USP39: variants seen among roughly 807,000 people sequenced by gnomAD.
The protein encoded by USP39 is ubiquitin specific peptidase 39.
A neutral mutation model predicts 66.4 loss-of-function variants in USP39; 38 were observed. The observed-to-expected ratio is 0.57, with a 90% CI of 0.44 to 0.75. The LOEUF (loss-of-function observed/expected upper bound fraction) is 0.75. USP39 is among the 30% of genes least tolerant of loss of function. The pLI is 0.00. For missense variants in USP39, 608 were observed against 714.4 expected (o/e 0.85, Z 1.70); for synonymous variants, 303 against 274.6 (o/e 1.10, Z -1.02).
At chr2:85,643,092 G>T (rs1023244514) in intron 10 of USP39, among the ~76,000 whole-genome samples, 1 of 147,512 alleles carries the variant, frequency 6.8e-6, no homozygotes, top group Non-Finnish European at 1.5e-5. Flanking sequence ...AAAAAAAAAT[G>T]AATAGTTTGC....
At position 85,631,118 on chromosome 2, in the gene USP39, G is replaced by A. The variant is rs527870716; in HGVS notation, c.949+172G>A. On this transcript the variant is annotated intron_variant, in intron 6 of 12. Transcript: ENST00000323701. ...CAACCTCCACTTCCAGGGTTCAAGCGATTCTCCCGCTTCAGCCTCCCAAGT... is the reference window on the plus strand; with the variant it reads ...CAACCTCCACTTCCAGGGTTCAAGCAATTCTCCCGCTTCAGCCTCCCAAGT... 1.7e-4 allele frequency among the ~76,000 whole-genome samples: 26 copies of A among 152,006 alleles called. No individual in the cohort carries two copies. In the East Asian group the frequency reaches 2.7e-3, roughly 16 times the overall value.
upstream of USP39, chr2:85,611,723 G>T: frequency 6.2e-7 from 1 of 1,603,842 alleles, no homozygotes; most frequent in Non-Finnish European, 8.5e-7. Context: ...GCGTCGGCGC[G>T]GGCGTGTGCC....
At chr2:85,608,447 T>G (rs1483577887), upstream of USP39, 2 of 152,120 alleles carry the variant, frequency 1.3e-5, no homozygotes, top group African/African-American at 4.8e-5. Context: ...AACTGATGGA[T>G]TCTACCTGAG....
chr2:85,619,681 G>A (rs1674298209), intron 2 of USP39, among the ~76,000 whole-genome samples: 6 of 151,614 alleles, frequency 4.0e-5, no homozygotes, highest in Admixed American at 1.3e-4. Context: ...ATTCCCAGGT[G>A]GCATGTAGAA....
intron 10 of USP39, 99 bp from the exon 11 acceptor site, chr2:85,644,849 A>G: frequency 6.6e-7 from 1 of 1,526,030 alleles, no homozygotes; most frequent in South Asian, 1.3e-5. Flanking sequence ...AGGGTCCTAA[A>G]ATAGGGCTGA....
At position 85,621,286 on chromosome 2, in the gene USP39, T is replaced by G. The variant is rs920501589; in HGVS notation, c.339-199T>G. On this transcript the variant is annotated intron_variant, in intron 2 of 12. Transcript: ENST00000323701. ...AGGCTCGTGGGTATTATGTGTCTGG[T>G]GGAGACACCTCAACAGTGCTTTGGA... 13 of 514,838 alleles carry G rather than the reference T, an allele frequency of 2.5e-5. No homozygotes were observed. In the East Asian group the frequency reaches 2.8e-4, roughly 11 times the overall value. 31.9% of individuals were successfully genotyped at this position (514,838 alleles called of 1,614,324 possible).
rs145118436 is a variant in USP39 at position 85,638,452 on chromosome 2, A to G, written c.1096-751A>G. ...TTGCTGAAGTGATCCTCCCACCTCA[A>G]CCTCCCCAGAAACTGGGACCATAGA... On this transcript the variant is annotated intron_variant, in intron 8 of 12. Coordinates refer to ENST00000323701, the MANE Select transcript of USP39 (RefSeq NM_006590.4). 3.1e-3 allele frequency among the ~76,000 whole-genome samples: 473 copies of G among 151,176 alleles called. 1 individual carries two copies. The highest frequency in any genetic ancestry group is 0.011 in the African/African-American group (432 of 41,136).
intron 3 of USP39, 79 bp from the exon 4 acceptor site, chr2:85,623,567 A>G: frequency 6.8e-7 from 1 of 1,475,952 alleles, no homozygotes; most frequent in East Asian, 2.6e-5. Context: ...CCGGTAGAAA[A>G]TAATGAAAGG....
chr2:85,609,567 G>C, upstream of USP39: 1 of 1,614,208 alleles, frequency 6.2e-7, no homozygotes, highest in Non-Finnish European at 8.5e-7. Context: ...AGTCTGGGTT[G>C]CGTGGGTGGG....
intron 1 of USP39, among the ~76,000 whole-genome samples, chr2:85,618,301 C>T (rs1227673118): frequency 3.3e-5 from 5 of 151,460 alleles, no homozygotes; most frequent in African/African-American, 1.2e-4. Flanking sequence ...CAGTGGCTCA[C>T]GCCTGTAATC....
upstream of USP39, chr2:85,615,984 T>C (rs1673892379): frequency 1.1e-6 from 1 of 891,278 alleles, no homozygotes; most frequent in African/African-American, 1.8e-5. Flanking sequence ...CTCAGTAAAC[T>C]GTAAACGACA....
chr2:85,623,256 GTT>G (rs1321343756), intron 3 of USP39, among the ~76,000 whole-genome samples: 1 of 151,720 alleles, frequency 6.6e-6, no homozygotes, highest in Non-Finnish European at 1.5e-5. Flanking sequence ...ATGTATTTAT[GTT>G]TATGTGTATT....
chr2:85,648,705 A>T, intron 12 of USP39, 56 bp from the exon 13 acceptor site: 1 of 1,587,242 alleles, frequency 6.3e-7, no homozygotes, highest in Non-Finnish European at 8.7e-7. Context: ...GTATTTGATA[A>T]GTGTCTGTTG....
chr2:85,621,230 C>A lies in USP39; in HGVS notation c.339-255C>A, dbSNP rs866684640. ...AGAGAAAGTGACTGCAATGGAAAGT[C>A]CTGAACTGGTTACAAACACTAATGA... On this transcript the variant is annotated intron_variant, in intron 2 of 12. Coordinates refer to ENST00000323701, the MANE Select transcript of USP39 (RefSeq NM_006590.4). The A allele has an allele frequency of 8.9e-5, 31 of 350,174 alleles. No homozygotes were observed. The Middle Eastern group carries it at 2.5e-3, about 28-fold the overall frequency. 21.7% of individuals were successfully genotyped at this position (350,174 alleles called of 1,614,324 possible). A position where few individuals can be genotyped will look rare whatever the true frequency, so the allele number is the denominator to read the frequency against.
chr2:85,631,574 G>T (rs1189339136), intron 6 of USP39, among the ~76,000 whole-genome samples: 1 of 152,076 alleles, frequency 6.6e-6, no homozygotes. Context: ...AAGAGTCCCA[G>T]GAGATTCTAG....
In USP39 at chr2:85,633,831, C is replaced by CTTT. The variant is rs35970499; in HGVS notation, c.950-2200_950-2198dup. ...ACTTAGAGGGGACGTCGAGTAGTGG[C>CTTT]TTTTTTTTTTTTTTTTTTTTTTTTG... On this transcript the variant is annotated intron_variant, in intron 6 of 12. Transcript: ENST00000323701. Among the ~76,000 whole-genome samples, 319 of 78,986 alleles carry CTTT rather than the reference C, an allele frequency of 4.0e-3. 4 individuals carry two copies. The highest frequency in any genetic ancestry group is 4.9e-3 in the Non-Finnish European group (210 of 42,690). 51.8% of individuals were successfully genotyped at this position (78,986 alleles called of 152,430 possible). A position where few individuals can be genotyped will look rare whatever the true frequency, so the allele number is the denominator to read the frequency against.
At chr2:85,644,168 T>TA (rs1364478925) in intron 10 of USP39, among the ~76,000 whole-genome samples, 1 of 152,236 alleles carries the variant, frequency 6.6e-6, no homozygotes, top group Non-Finnish European at 1.5e-5. Context: ...CAAAGGGAGA[T>TA]ATATAACTGG....
Position 85,617,159 on chromosome 2 carries a change from G to C in USP39, c.268+696G>C, listed in dbSNP as rs1460697939. 3.3e-5 allele frequency among the ~76,000 whole-genome samples: 4 copies of C among 121,012 alleles called. No individual in the cohort carries two copies. The Admixed American group carries it at 3.7e-4, about 11-fold the overall frequency. 79.4% of individuals were successfully genotyped at this position (121,012 alleles called of 152,430 possible). A position where few individuals can be genotyped will look rare whatever the true frequency, so the allele number is the denominator to read the frequency against. On this transcript the variant is annotated intron_variant, in intron 1 of 12. Transcript: ENST00000323701. ...TAAGAGAAGCAAGTCTCGCTATGTT[G>C]CCTAGGCTGGTCTCGAACTCCTGGA... is the stretch of plus-strand genomic sequence containing the variant.
At position 85,636,095 on chromosome 2, in the gene USP39, A is replaced by C. The variant is rs1246165722; in HGVS notation, c.992A>C (p.His331Pro). 2 of 1,614,074 alleles carry C rather than the reference A, an allele frequency of 1.2e-6. No homozygotes were observed. Among genetic ancestry groups the C allele is most frequent in the East Asian group, 2.2e-5 (1 of 44,876 alleles). Residue 331 changes from histidine (H) to proline (P), a missense_variant, in exon 7 of 13, where the codon CAC (histidine) becomes CCC (proline). His to Pro is a moderately conservative substitution (Grantham distance 77). Coordinates refer to ENST00000323701, the MANE Select transcript of USP39 (RefSeq NM_006590.4). The part of the protein sequence containing the change: ...DFLSWFLNAL[H>P]SALGGTKKKK... ...CTGTCTTGGTTTCTGAATGCTCTGCACTCAGCTCTGGGGGGCACAAAGAAG... is the reference window on the plus strand; with the variant it reads ...CTGTCTTGGTTTCTGAATGCTCTGCCCTCAGCTCTGGGGGGCACAAAGAAG...
Sources: allele counts gnomAD v4.1 joint callset (sites outside exome capture counted in the v4.1 genomes callset), GRCh38; gene constraint gnomAD v4.1.1; transcripts MANE v1.5; gene names NCBI Gene and HGNC (gene_info 2026-07-23, HGNC 2026-07-21).